SLC39A9: variants seen among roughly 807,000 people sequenced by gnomAD.
The protein encoded by SLC39A9 is solute carrier family 39 member 9.
Under a neutral mutation model 28.4 loss-of-function variants are expected in SLC39A9, and 14 were observed. The observed-to-expected ratio is 0.49, with a 90% confidence interval of 0.33 to 0.77. The LOEUF (loss-of-function observed/expected upper bound fraction) is 0.77, where lower values mean the gene tolerates loss of function less well. SLC39A9 is among the 30% of genes least tolerant of loss of function. The pLI is 0.02. For synonymous variants in SLC39A9, 119 were observed against 149.6 expected (o/e 0.80, Z 1.49); for missense variants, 283 against 381.1 (o/e 0.74, Z 2.14).
At chr14:69,446,929 G>GAT (rs148838682) in intron 3 of SLC39A9, among the ~76,000 whole-genome samples, 2,225 of 142,220 alleles carry the variant, frequency 0.016, 24 homozygotes, top group Non-Finnish European at 0.026. Context: ...GCCCATCTGT[G>GAT]ATATATATAT....
intron 2 of SLC39A9, among the ~76,000 whole-genome samples, chr14:69,426,614 A>G (rs953791899): frequency 1.3e-5 from 2 of 152,118 alleles, no homozygotes; most frequent in African/African-American, 2.4e-5. Flanking sequence ...TTTTTATGGA[A>G]GTTTCAAGAT....
intron 4 of SLC39A9, among the ~76,000 whole-genome samples, 170 bp downstream of exon 4, chr14:69,453,479 G>T (rs1885711574): frequency 6.6e-6 from 1 of 151,960 alleles, no homozygotes; most frequent in Non-Finnish European, 1.5e-5. Flanking sequence ...CTCAGTGTCA[G>T]GGGTTTGCAA....
At chr14:69,442,864 T>C (rs1885112780) in intron 3 of SLC39A9, among the ~76,000 whole-genome samples, 1 of 152,216 alleles carries the variant, frequency 6.6e-6, no homozygotes, top group Non-Finnish European at 1.5e-5. Context: ...GTATGTCAAG[T>C]TAAACATCTA....
At position 69,424,142 on chromosome 14, in the gene SLC39A9, A is replaced by C; in HGVS notation, c.145A>C (p.Thr49Pro). 1 of 1,613,968 alleles carries C rather than the reference A, an allele frequency of 6.2e-7. No individual in the cohort carries two copies. The highest frequency in any genetic ancestry group is 8.5e-7 in the Non-Finnish European group (1 of 1,179,876). Reference protein sequence around the residue: ...TVLGAGLLCGTALAVIVPEGV... With the variant: ...TVLGAGLLCGPALAVIVPEGV... ...TTTGGGTGCTGGCCTTCTCTGTGGA[A>C]CTGCTCTGGCAGTCATCGTGCCTGA... is the stretch of plus-strand genomic sequence containing the variant. The change falls in exon 2 of 7, where the codon ACT (threonine) becomes CCT (proline). Residue 49 changes from threonine (T) to proline (P), a missense_variant. Coordinates refer to ENST00000336643, the MANE Select transcript of SLC39A9 (RefSeq NM_018375.5).
chr14:69,407,555 C>T (rs1313231128), intron 1 of SLC39A9, among the ~76,000 whole-genome samples: 1 of 151,912 alleles, frequency 6.6e-6, no homozygotes, highest in Non-Finnish European at 1.5e-5. Context: ...TCTCAAACTC[C>T]TTACCTCAGG....
intron 1 of SLC39A9, among the ~76,000 whole-genome samples, chr14:69,411,211 CAAAA>C (rs35337440): frequency 1.3e-5 from 1 of 74,756 alleles, no homozygotes; most frequent in African/African-American, 5.3e-5. Flanking sequence ...GATTCCATCT[CAAAA>C]AAAAAAAAAA....
chr14:69,420,706 C>CT (rs979535309), intron 1 of SLC39A9, among the ~76,000 whole-genome samples: 1 of 150,604 alleles, frequency 6.6e-6, no homozygotes, highest in East Asian at 1.9e-4. Flanking sequence ...TCTTTTTACT[C>CT]TTTTTTTCTC....
At position 69,461,789 on chromosome 14, in the gene SLC39A9, C is replaced by T. The variant is rs1886122899; in HGVS notation, c.*3196C>T. ...ACTGAACACAGGAACCGTATGACAG[C>T]AGCACAAACCCCCAAAGGATGTTCC... On this transcript the variant is annotated 3_prime_UTR_variant, in exon 7 of 7. Transcript: ENST00000336643. 3 of 1,514,092 alleles carry T rather than the reference C, an allele frequency of 2.0e-6. No individual in the cohort carries two copies. The Admixed American group carries it at 6.0e-5, about 31-fold the overall frequency. The allele number at this position is 1,514,092 out of a possible 1,614,324, so 93.8% of individuals were successfully genotyped here.
chr14:69,419,982 A>G (rs1329585355), intron 1 of SLC39A9, among the ~76,000 whole-genome samples: 1 of 152,142 alleles, frequency 6.6e-6, no homozygotes, highest in Non-Finnish European at 1.5e-5. Context: ...TAATTGGGGC[A>G]TTGAGCCCAT....
intron 3 of SLC39A9, among the ~76,000 whole-genome samples, chr14:69,452,626 G>A (rs1344902664): frequency 2.0e-5 from 3 of 152,080 alleles, no homozygotes; most frequent in East Asian, 1.9e-4. Context: ...TACTGTGCCC[G>A]GCCAAGGGTG....
chr14:69,437,057 C>A (rs1010971299), intron 2 of SLC39A9, among the ~76,000 whole-genome samples: 1 of 152,072 alleles, frequency 6.6e-6, no homozygotes, highest in African/African-American at 2.4e-5. Context: ...TTAGTAGAGA[C>A]GGGGTTTCAC....
intron 1 of SLC39A9, among the ~76,000 whole-genome samples, chr14:69,410,861 T>G (rs1188832962): frequency 6.6e-6 from 1 of 152,080 alleles, no homozygotes; most frequent in Admixed American, 6.6e-5. Flanking sequence ...GTTGACACTT[T>G]GACTACTAAA....
intron 1 of SLC39A9, among the ~76,000 whole-genome samples, chr14:69,419,451 G>A (rs1025064146): frequency 6.6e-6 from 1 of 152,212 alleles, no homozygotes; most frequent in East Asian, 1.9e-4. Context: ...TAAGTGCAAT[G>A]TGGTGCTGAG....
chr14:69,402,083 T>G (rs978117195), intron 1 of SLC39A9, among the ~76,000 whole-genome samples: 3 of 152,182 alleles, frequency 2.0e-5, no homozygotes, highest in Non-Finnish European at 4.4e-5. Flanking sequence ...TCTGGCTTTC[T>G]TAGAGGCTAG....
chr14:69,442,267 G>A lies in SLC39A9; in HGVS notation c.403+1G>A. 6.2e-7 allele frequency: 1 copy of A among 1,614,020 alleles called. No homozygotes were observed. The stretch of plus-strand genomic sequence containing the variant: ...AACTCCCATGTGCATTCTACTGACG[G>A]TGAGTGGCTCCAAGGCTTTCTGGGC... On this transcript the variant is annotated splice_donor_variant, in intron 3 of 6. Transcript: ENST00000336643. LOFTEE classifies it high-confidence loss of function.
chr14:69,457,059 T>C (rs139544592), intron 6 of SLC39A9, among the ~76,000 whole-genome samples: 16 of 152,348 alleles, frequency 1.1e-4, no homozygotes, highest in African/African-American at 3.8e-4. Context: ...AGTTACTTGC[T>C]GCATCTATGG....
Position 69,399,485 on chromosome 14 carries a change from C to T in SLC39A9, c.96+20C>T. On this transcript the variant is annotated intron_variant, in intron 1 of 6. Coordinates refer to ENST00000336643, the MANE Select transcript of SLC39A9 (RefSeq NM_018375.5). The stretch of plus-strand genomic sequence containing the variant: ...TCAGAGGTAAGAAATTCTCAATTTT[C>T]TGTCAGCTGTCAGGATGGCTGTGAG... 1.3e-6 allele frequency: 2 copies of T among 1,599,970 alleles called. No individual in the cohort carries two copies. The highest frequency in any genetic ancestry group is 1.3e-5 in the African/African-American group (1 of 74,762).
intron 1 of SLC39A9, among the ~76,000 whole-genome samples, chr14:69,405,874 C>T (rs1246303885): frequency 6.6e-6 from 1 of 152,078 alleles, no homozygotes; most frequent in Non-Finnish European, 1.5e-5. Context: ...TTCTGTATAC[C>T]AGGCAATGAT....
At chr14:69,408,877 AAC>A (rs1199109457) in intron 1 of SLC39A9, among the ~76,000 whole-genome samples, 205 of 152,348 alleles carry the variant, frequency 1.3e-3, no homozygotes, top group Non-Finnish European at 2.2e-3. Context: ...TAGAGGGGAA[AAC>A]ATCTCTATGT....
Sources: gnomAD v4.1 joint callset for allele counts (sites outside exome capture counted in the v4.1 genomes callset) on GRCh38, gnomAD v4.1.1 for gene constraint, MANE v1.5 for transcripts, NCBI Gene and HGNC (gene_info 2026-07-23, HGNC 2026-07-21) for gene names.